The following ST7 variants were observed in gnomAD, a reference collection of about 807,000 sequenced individuals.
ST7 encodes suppressor of tumorigenicity 7 protein.
Under a neutral mutation model 78.7 loss-of-function variants are expected in ST7, and 28 were observed. The ratio of observed to expected loss-of-function variants is 0.36; its 90% confidence interval spans 0.26 to 0.49. The LOEUF is 0.49. ST7 is among the 20% of genes least tolerant of loss of function. The probability of loss-of-function intolerance (pLI) is 0.99; values close to 1 mark genes in which losing one functional copy is unlikely to be tolerated. For missense variants in ST7, 418 were observed against 696.0 expected, an observed-to-expected ratio of 0.60 and a Z score of 4.49; for synonymous variants, 247 against 249.6, an observed-to-expected ratio of 0.99 and a Z score of 0.10.
At chr7:116,953,818 G>C in intron 1 of ST7, 127 bp downstream of exon 1, 2 of 561,640 alleles carry the variant, frequency 3.6e-6, no homozygotes, top group Non-Finnish European at 4.5e-6. Flanking sequence ...CCGGAGGCCC[G>C]CGGCTACCCG....
rs537326320 is a variant in ST7 at position 117,202,587 on chromosome 7, C to T, written c.1255-7200C>T. 1.2e-3 allele frequency among the ~76,000 whole-genome samples: 184 copies of T among 152,300 alleles called. No homozygotes were observed. The Middle Eastern group carries it at 0.017, about 14-fold the overall frequency. On this transcript the variant is annotated intron_variant, in intron 12 of 15. Coordinates refer to ENST00000323984, the MANE Select transcript of ST7 (RefSeq NM_001369598.1). The stretch of plus-strand genomic sequence containing the variant: ...GGTGCCAAGTCCTGGAGAAGCTCCT[C>T]CTCCACCCCGCAATTTTGTCCCCAT...
At chr7:117,201,922 G>C (rs1039158055) in intron 12 of ST7, among the ~76,000 whole-genome samples, 2 of 151,754 alleles carry the variant, frequency 1.3e-5, no homozygotes, top group Non-Finnish European at 2.9e-5. Context: ...TTTCCAGGGA[G>C]CTCTATTCAC....
chr7:116,969,753 CAGA>C (rs1562984334), intron 1 of ST7, among the ~76,000 whole-genome samples: 1 of 152,150 alleles, frequency 6.6e-6, no homozygotes, highest in South Asian at 2.1e-4. Flanking sequence ...TGGAGGCAGT[CAGA>C]GGAGTAGGAA....
chr7:117,134,555 T>C (rs1804626881), intron 7 of ST7, among the ~76,000 whole-genome samples: 1 of 152,042 alleles, frequency 6.6e-6, no homozygotes, highest in Non-Finnish European at 1.5e-5. Context: ...GCCCCAACCA[T>C]TCTTGGGTTC....
chr7:117,081,701 C>G (rs1799791658), intron 1 of ST7, among the ~76,000 whole-genome samples: 1 of 152,156 alleles, frequency 6.6e-6, no homozygotes, highest in Non-Finnish European at 1.5e-5. Flanking sequence ...AGTGACTGTA[C>G]AGTAATGAGT....
chr7:117,156,381 G>A (rs1806689345), intron 9 of ST7, among the ~76,000 whole-genome samples: 1 of 152,188 alleles, frequency 6.6e-6, no homozygotes, highest in South Asian at 2.1e-4. Flanking sequence ...ACCATTTACT[G>A]AAAGAAGGAT....
At chr7:117,151,420 A>G (rs1169448630) in intron 9 of ST7, among the ~76,000 whole-genome samples, 1 of 152,108 alleles carries the variant, frequency 6.6e-6, no homozygotes, top group African/African-American at 2.4e-5. Flanking sequence ...ACTGATCCAG[A>G]TCCTCACTTG....
intron 1 of ST7, chr7:117,076,688 G>T (rs944805053): frequency 2.0e-4 from 30 of 152,394 alleles, no homozygotes; most frequent in African/African-American, 6.5e-4. Context: ...GCACTTTTGG[G>T]CACTGGTAGG....
At chr7:116,980,051 T>C (rs1227188560) in intron 1 of ST7, among the ~76,000 whole-genome samples, 1 of 134,594 alleles carries the variant, frequency 7.4e-6, no homozygotes, top group African/African-American at 2.7e-5. Context: ...CTCCGGCTCC[T>C]GGATTCAAGC....
chr7:117,200,095 G>A (rs1412111514), intron 12 of ST7, among the ~76,000 whole-genome samples: 1 of 151,990 alleles, frequency 6.6e-6, no homozygotes, highest in Non-Finnish European at 1.5e-5. Flanking sequence ...GGCCTCCACT[G>A]GCCAGCTTGT....
intron 1 of ST7, among the ~76,000 whole-genome samples, chr7:117,086,564 A>C (rs1800163162): frequency 6.6e-6 from 1 of 152,194 alleles, no homozygotes; most frequent in Non-Finnish European, 1.5e-5. Flanking sequence ...TTAAGAGGGG[A>C]AAATGCCATT....
At chr7:117,044,607 C>T (rs1445041904) in intron 1 of ST7, among the ~76,000 whole-genome samples, 3 of 150,488 alleles carry the variant, frequency 2.0e-5, no homozygotes, top group Non-Finnish European at 4.4e-5. Context: ...TGCCTTGGCC[C>T]CTAAGGTAGG....
intron 13 of ST7, among the ~76,000 whole-genome samples, chr7:117,215,440 A>G (rs1792618277): frequency 6.6e-6 from 1 of 152,182 alleles, no homozygotes. Context: ...TAGGTTTAAT[A>G]GAGAGGGATA....
At chr7:117,126,867 G>C (rs75541601) in intron 3 of ST7, among the ~76,000 whole-genome samples, 1,549 of 151,984 alleles carry the variant, frequency 0.01, 37 homozygotes, top group African/African-American at 0.036. Flanking sequence ...CTCTTCCGCA[G>C]ACTTTGGGAA....
chr7:117,156,071 G>A (rs532054406), intron 9 of ST7, among the ~76,000 whole-genome samples: 194 of 152,208 alleles, frequency 1.3e-3, no homozygotes, highest in Non-Finnish European at 1.7e-3. Context: ...CAACATTCAC[G>A]AACCCATTTC....
chr7:117,048,632 C>G (rs1444154050), intron 1 of ST7, among the ~76,000 whole-genome samples: 1 of 152,156 alleles, frequency 6.6e-6, no homozygotes, highest in Non-Finnish European at 1.5e-5. Flanking sequence ...TATCTGCGGT[C>G]TCTTTCATGG....
chr7:116,989,320 C>T (rs1794323648), intron 1 of ST7, among the ~76,000 whole-genome samples: 1 of 152,104 alleles, frequency 6.6e-6, no homozygotes, highest in Admixed American at 6.5e-5. Context: ...AGCTCTGGGT[C>T]CCTTCACAGC....
chr7:116,970,804 C>T (rs1002450557), intron 1 of ST7, among the ~76,000 whole-genome samples: 3 of 152,158 alleles, frequency 2.0e-5, no homozygotes, highest in African/African-American at 7.2e-5. Flanking sequence ...TTCACTCTTT[C>T]ACCCACCTCA....
At chr7:117,137,938 T>C (rs1210291032) in intron 8 of ST7, among the ~76,000 whole-genome samples, 1 of 152,176 alleles carries the variant, frequency 6.6e-6, no homozygotes, top group Non-Finnish European at 1.5e-5. Context: ...GAATGTGTTA[T>C]ATTGCCATCT....
Sources: allele counts gnomAD v4.1 joint callset (sites outside exome capture counted in the v4.1 genomes callset), GRCh38; gene constraint gnomAD v4.1.1; transcripts MANE v1.5; gene names NCBI Gene and HGNC (gene_info 2026-07-23, HGNC 2026-07-21).